The following PDZD2 variants were observed in gnomAD, a reference collection of about 807,000 sequenced individuals.
PDZD2 encodes the protein PDZ domain containing 2.
A neutral mutation model predicts 220.7 loss-of-function variants in PDZD2; 90 were observed. The ratio of observed to expected loss-of-function variants is 0.41; its 90% CI spans 0.34 to 0.49. The LOEUF (loss-of-function observed/expected upper bound fraction) is 0.49. PDZD2 is among the 20% of genes least tolerant of loss of function. PDZD2 has a pLI of 0.28. For missense variants in PDZD2, 3,174 were observed against 3,608.5 expected, an observed-to-expected ratio of 0.88 and a Z score of 3.08; for synonymous variants, 1,375 against 1,450.5, an observed-to-expected ratio of 0.95 and a Z score of 1.18.
chr5:32,012,169 A>C (rs1373580425), intron 6 of PDZD2, among the ~76,000 whole-genome samples: 1 of 152,066 alleles, frequency 6.6e-6, no homozygotes, highest in East Asian at 1.9e-4. Flanking sequence ...CACAGTCTAG[A>C]GGGCTCATCC....
Position 32,108,962 on chromosome 5 carries a change from AC to A in PDZD2, c.*828del, listed in dbSNP as rs1429946798. 1.3e-5 allele frequency: 2 copies of A among 152,662 alleles called. No homozygotes were observed. The highest frequency in any genetic ancestry group is 3.8e-4 in the East Asian group (2 of 5,200). 9.5% of individuals were successfully genotyped at this position (152,662 alleles called of 1,614,324 possible). A position where few individuals can be genotyped will look rare whatever the true frequency, so the allele number is the denominator to read the frequency against. ...AAAGGTCAACATCTAAAAGCACCTT[AC>A]AACTAGTTTTTGAACCTGTCTTGAT... On this transcript the variant is annotated 3_prime_UTR_variant, in exon 25 of 25. Transcript: ENST00000438447.
At chr5:31,685,862 G>C (rs1746835473) in intron 1 of PDZD2, among the ~76,000 whole-genome samples, 1 of 151,516 alleles carries the variant, frequency 6.6e-6, no homozygotes, top group Admixed American at 6.6e-5. Flanking sequence ...TCATTTATCT[G>C]TCAGTGTTTT....
intron 1 of PDZD2, among the ~76,000 whole-genome samples, chr5:31,770,062 A>G (rs538869838): frequency 4.0e-4 from 61 of 152,354 alleles, no homozygotes; most frequent in African/African-American, 1.3e-3. Flanking sequence ...GTCACTGGAA[A>G]TATTAGTCAG....
chr5:31,677,897 G>C (rs3101887), intron 1 of PDZD2, among the ~76,000 whole-genome samples: 21,815 of 151,914 alleles, frequency 0.14, 2,121 homozygotes, highest in African/African-American at 0.26. Context: ...AGGAGGAAGG[G>C]GGGAGGACCA....
At chr5:31,868,706 G>C (rs980901028) in intron 2 of PDZD2, among the ~76,000 whole-genome samples, 4 of 152,082 alleles carry the variant, frequency 2.6e-5, no homozygotes, top group African/African-American at 9.7e-5. Context: ...TGTCACTTTG[G>C]AGCCAATTGT....
intron 6 of PDZD2, among the ~76,000 whole-genome samples, chr5:32,033,681 G>A (rs139113280): frequency 0.011 from 1,655 of 151,610 alleles, 15 homozygotes; most frequent in Non-Finnish European, 0.016. Flanking sequence ...ATGCAGTGGC[G>A]CGATCTCGGC....
At chr5:31,787,697 A>G (rs1162775704) in intron 1 of PDZD2, 1 of 151,428 alleles carries the variant, frequency 6.6e-6, no homozygotes, top group African/African-American at 2.4e-5. Context: ...TCTCTCATCT[A>G]TAAAATTGAA....
chr5:31,744,917 A>C (rs1750497542), intron 1 of PDZD2, among the ~76,000 whole-genome samples: 1 of 151,862 alleles, frequency 6.6e-6, no homozygotes, highest in Non-Finnish European at 1.5e-5. Context: ...AAAAATACAA[A>C]AAAAAATTAG....
chr5:31,676,696 A>G (rs1746440323), intron 1 of PDZD2, among the ~76,000 whole-genome samples: 1 of 151,182 alleles, frequency 6.6e-6, no homozygotes, highest in African/African-American at 2.4e-5. Flanking sequence ...CTGGGATTAC[A>G]GGCATCCACC....
At chr5:31,985,427 G>A (rs1006215270) in intron 3 of PDZD2, among the ~76,000 whole-genome samples, 11 of 152,222 alleles carry the variant, frequency 7.2e-5, no homozygotes, top group African/African-American at 2.4e-4. Context: ...AGGTGCAGGG[G>A]CTCAGGCCTG....
chr5:31,963,880 C>A (rs1473460602), intron 2 of PDZD2, among the ~76,000 whole-genome samples: 1 of 152,108 alleles, frequency 6.6e-6, no homozygotes, highest in Non-Finnish European at 1.5e-5. Flanking sequence ...CCACACACAC[C>A]CCCATCCTTC....
chr5:31,775,662 A>AGTGT (rs2150202456), intron 1 of PDZD2, among the ~76,000 whole-genome samples: 1 of 112,064 alleles, frequency 8.9e-6, no homozygotes, highest in South Asian at 3.4e-4. Context: ...GCACTCACAG[A>AGTGT]GCGTGTGTGT....
chr5:32,066,066 G>T (rs1405992474), intron 14 of PDZD2, among the ~76,000 whole-genome samples: 1 of 151,752 alleles, frequency 6.6e-6, no homozygotes, highest in Non-Finnish European at 1.5e-5. Context: ...GTACCAGCTG[G>T]GCGCAGTAGC....
chr5:31,662,934 C>G (rs1009278016), intron 1 of PDZD2, among the ~76,000 whole-genome samples: 6 of 152,172 alleles, frequency 3.9e-5, no homozygotes. Context: ...CTGGCCAAGG[C>G]CCCACCTTCT....
chr5:32,065,777 C>T (rs1267653817), intron 14 of PDZD2, among the ~76,000 whole-genome samples: 3 of 152,240 alleles, frequency 2.0e-5, no homozygotes, highest in Admixed American at 2.0e-4. Flanking sequence ...GTAATCCCAG[C>T]ACTTTGGGAG....
intron 2 of PDZD2, chr5:31,855,127 G>T: frequency 2.0e-6 from 2 of 985,064 alleles, no homozygotes; most frequent in African/African-American, 3.5e-5. Context: ...ACTCCCAGGA[G>T]CTCCGGAGAG....
intron 1 of PDZD2, among the ~76,000 whole-genome samples, chr5:31,780,250 G>A (rs1192949658): frequency 2.0e-5 from 3 of 152,024 alleles, no homozygotes; most frequent in African/African-American, 7.2e-5. Context: ...GAGTGGGGTG[G>A]GGGGTGGAGT....
chr5:31,905,085 C>T (rs1742522084), intron 2 of PDZD2, among the ~76,000 whole-genome samples: 1 of 152,212 alleles, frequency 6.6e-6, no homozygotes, highest in South Asian at 2.1e-4. Flanking sequence ...TCTCCTACCT[C>T]AGCCTCTGGA....
At chr5:31,987,104 A>T (rs545596753) in intron 3 of PDZD2, among the ~76,000 whole-genome samples, 1 of 152,298 alleles carries the variant, frequency 6.6e-6, no homozygotes, top group Non-Finnish European at 1.5e-5. Context: ...TTATCTTCTT[A>T]GCAAAGATCT....
Sources: allele counts gnomAD v4.1 joint callset (sites outside exome capture counted in the v4.1 genomes callset), GRCh38; gene constraint gnomAD v4.1.1; transcripts MANE v1.5; gene names NCBI Gene and HGNC (gene_info 2026-07-23, HGNC 2026-07-21).